The following CATSPERT variants were observed in gnomAD, a reference collection of about 807,000 sequenced individuals.
The protein encoded by CATSPERT is cation channel sperm-associated targeting subunit tau.
At chr2:201,508,546 T>C in the CATSPERT span, among the ~76,000 whole-genome samples, 1 of 152,256 alleles carries the variant, frequency 6.6e-6, no homozygotes, top group African/African-American at 2.4e-5. Flanking sequence ...TATATTCACA[T>C]TGTTGTGCAA....
At chr2:201,573,002 A>G in the CATSPERT span, among the ~76,000 whole-genome samples, 6 of 152,354 alleles carry the variant, frequency 3.9e-5, no homozygotes, top group East Asian at 1.2e-3. Flanking sequence ...ATGATATGCA[A>G]ATAAAGGTCA....
the CATSPERT span, among the ~76,000 whole-genome samples, chr2:201,529,247 A>G: frequency 6.6e-6 from 1 of 152,174 alleles, no homozygotes; most frequent in African/African-American, 2.4e-5. Flanking sequence ...AGAAAAAATA[A>G]TCCTAAAACC....
At chr2:201,618,313 T>C in the CATSPERT span, among the ~76,000 whole-genome samples, 1 of 152,124 alleles carries the variant, frequency 6.6e-6, no homozygotes, top group Non-Finnish European at 1.5e-5. Context: ...CCAACCCAAA[T>C]GTCCATCAAT....
the CATSPERT span, chr2:201,493,581 T>C: frequency 1.3e-6 from 2 of 1,536,962 alleles, no homozygotes; most frequent in Non-Finnish European, 8.7e-7. Flanking sequence ...ATCTGGGCTG[T>C]GGCAATTCTA....
the CATSPERT span, among the ~76,000 whole-genome samples, chr2:201,528,331 C>T: frequency 6.6e-6 from 1 of 152,088 alleles, no homozygotes; most frequent in Non-Finnish European, 1.5e-5. Flanking sequence ...AATTACTTCA[C>T]CCACTGTGAA....
chr2:201,487,573 T>TA, the CATSPERT span: 1 of 1,563,220 alleles, frequency 6.4e-7, no homozygotes, highest in Non-Finnish European at 8.7e-7. Flanking sequence ...CATTCTGAGT[T>TA]AAACATGTTT....
At chr2:201,491,764 G>C in the CATSPERT span, 1 of 1,536,982 alleles carries the variant, frequency 6.5e-7, no homozygotes, top group African/African-American at 1.4e-5. Context: ...TCTATCAAGG[G>C]ACTTCATTTT....
chr2:201,565,734 C>A, the CATSPERT span: 1 of 1,546,108 alleles, frequency 6.5e-7, no homozygotes, highest in Non-Finnish European at 8.7e-7. Context: ...TTTACCTTTC[C>A]CGGGGTTGTT....
At chr2:201,567,675 G>A in the CATSPERT span, among the ~76,000 whole-genome samples, 2 of 152,234 alleles carry the variant, frequency 1.3e-5, no homozygotes, top group Admixed American at 1.3e-4. Flanking sequence ...TCTTACCCCA[G>A]GGTGAGTCAA....
the CATSPERT span, among the ~76,000 whole-genome samples, chr2:201,584,397 G>A: frequency 3.3e-5 from 5 of 152,102 alleles, no homozygotes; most frequent in Admixed American, 3.3e-4. Flanking sequence ...AAAAGACATG[G>A]AAGATAGTGT....
chr2:201,521,431 CAG>C, the CATSPERT span, among the ~76,000 whole-genome samples: 12,503 of 72,862 alleles, frequency 0.17, 693 homozygotes, highest in African/African-American at 0.21. Flanking sequence ...GAGAGACAGA[CAG>C]AGAGAGAGAG....
chr2:201,568,577 G>A, the CATSPERT span, among the ~76,000 whole-genome samples: 1 of 152,234 alleles, frequency 6.6e-6, no homozygotes, highest in Non-Finnish European at 1.5e-5. Context: ...GTTGTCACTT[G>A]GCTAAGCTCA....
chr2:201,572,892 A>G, the CATSPERT span, among the ~76,000 whole-genome samples: 2 of 152,232 alleles, frequency 1.3e-5, no homozygotes, highest in African/African-American at 2.4e-5. Flanking sequence ...TTTCTCAGTT[A>G]ACACAGCGGT....
the CATSPERT span, chr2:201,492,324 C>T: frequency 6.5e-7 from 1 of 1,535,726 alleles, no homozygotes; most frequent in Non-Finnish European, 8.7e-7. Flanking sequence ...GCTTTTTTGT[C>T]ATTAGTCCTG....
the CATSPERT span, chr2:201,582,028 A>G: frequency 6.4e-7 from 1 of 1,555,604 alleles, no homozygotes; most frequent in Non-Finnish European, 8.6e-7. Context: ...AGTATAATAA[A>G]TCACAACAAA....
At chr2:201,500,734 A>G in the CATSPERT span, among the ~76,000 whole-genome samples, 10 of 152,126 alleles carry the variant, frequency 6.6e-5, no homozygotes, top group Non-Finnish European at 1.5e-4. Flanking sequence ...TCATGAAACC[A>G]CAATATTACG....
the CATSPERT span, among the ~76,000 whole-genome samples, chr2:201,541,527 G>T: frequency 1.0e-5 from 1 of 95,952 alleles, no homozygotes; most frequent in Non-Finnish European, 2.0e-5. Flanking sequence ...AGGCTCAGAT[G>T]ATTTTATATA....
At chr2:201,601,153 C>G in the CATSPERT span, among the ~76,000 whole-genome samples, 1 of 152,166 alleles carries the variant, frequency 6.6e-6, no homozygotes, top group African/African-American at 2.4e-5. Flanking sequence ...GAAGTGTGGT[C>G]TGAAACCAGA....
chr2:201,524,740 A>T, the CATSPERT span, among the ~76,000 whole-genome samples: 9 of 152,346 alleles, frequency 5.9e-5, no homozygotes, highest in African/African-American at 2.2e-4. Flanking sequence ...ACATGCAATG[A>T]CACCCATAGG....
Sources: gnomAD v4.1 joint callset for allele counts (sites outside exome capture counted in the v4.1 genomes callset) on GRCh38, gnomAD v4.1.1 for gene constraint, MANE v1.5 for transcripts, NCBI Gene and HGNC (gene_info 2026-07-23, HGNC 2026-07-21) for gene names.